Variants in THSD7B observed in about 807,000 individuals in gnomAD.
The protein encoded by THSD7B is thrombospondin type-1 domain-containing protein 7B.
THSD7B carries 138 observed loss-of-function variants against 213.6 expected under a neutral mutation model. That is an observed-to-expected ratio of 0.65 (90% CI 0.56 to 0.74). The LOEUF (loss-of-function observed/expected upper bound fraction) is 0.74, where lower values mean the gene tolerates loss of function less well. THSD7B is among the 30% of genes least tolerant of loss of function. THSD7B has a pLI of 0.00. For missense variants in THSD7B, 1,931 were observed against 1,991.5 expected (o/e 0.97, Z 0.58); for synonymous variants, 742 against 687.0 (o/e 1.08, Z -1.25).
chr2:137,404,474 T>TACACAC lies in THSD7B; in HGVS notation c.2501-1111_2501-1106dup, dbSNP rs1207612144. ...ATATATATATATATATATATATATA[T>TACACAC]ACACACACACACACACACACACACA... On this transcript the variant is annotated intron_variant, in intron 12 of 27. Transcript: ENST00000409968. Among the ~76,000 whole-genome samples, 218 of 40,236 alleles carry TACACAC rather than the reference T, an allele frequency of 5.4e-3. 5 individuals are homozygous for TACACAC. The highest frequency in any genetic ancestry group is 0.021 in the Middle Eastern group (1 of 48). 26.4% of individuals were successfully genotyped at this position (40,236 alleles called of 152,430 possible).
chr2:136,851,067 C>T (rs1221612567), intron 1 of THSD7B, among the ~76,000 whole-genome samples: 1 of 152,024 alleles, frequency 6.6e-6, no homozygotes, highest in Non-Finnish European at 1.5e-5. Flanking sequence ...ACTTTTCTTT[C>T]TGAAAATTTT....
At chr2:137,665,918 T>C (rs1018179595) in intron 26 of THSD7B, among the ~76,000 whole-genome samples, 4 of 152,148 alleles carry the variant, frequency 2.6e-5, no homozygotes, top group Non-Finnish European at 5.9e-5. Flanking sequence ...GCACCATTTG[T>C]GTCTTTTTAA....
chr2:136,877,661 T>C (rs1223754291), intron 1 of THSD7B, among the ~76,000 whole-genome samples: 1 of 152,202 alleles, frequency 6.6e-6, no homozygotes, highest in East Asian at 1.9e-4. Flanking sequence ...TTTGCTACCG[T>C]ACCCTTGGAG....
chr2:137,399,217 A>AC lies in THSD7B; in HGVS notation c.2501-6396_2501-6395insC, dbSNP rs1167505434. Among the ~76,000 whole-genome samples, 3 of 3,914 alleles carry AC rather than the reference A, an allele frequency of 7.7e-4. 1 individual carries two copies. 2.6% of individuals were successfully genotyped at this position (3,914 alleles called of 152,430 possible). A position where few individuals can be genotyped will look rare whatever the true frequency, so the allele number is the denominator to read the frequency against. On this transcript the variant is annotated intron_variant, in intron 12 of 27. Transcript: ENST00000409968. ...CCCCTTTTTTTTTTTTTTTAAACAC[A>AC]AGTCTTGCTCTGTTTCCCAGGTTGT...
At chr2:137,456,631 G>A (rs927097009) in intron 15 of THSD7B, among the ~76,000 whole-genome samples, 1 of 152,160 alleles carries the variant, frequency 6.6e-6, no homozygotes, top group East Asian at 1.9e-4. Context: ...TATCCATATG[G>A]AAGGCAGCCC....
intron 10 of THSD7B, among the ~76,000 whole-genome samples, chr2:137,249,043 C>T (rs1298422170): frequency 6.6e-6 from 1 of 152,024 alleles, no homozygotes; most frequent in Non-Finnish European, 1.5e-5. Context: ...GCTACATGGT[C>T]CCAGTGCTCA....
chr2:137,257,842 CA>C (rs1291614195), intron 10 of THSD7B, among the ~76,000 whole-genome samples: 1 of 152,142 alleles, frequency 6.6e-6, no homozygotes, highest in Non-Finnish European at 1.5e-5. Context: ...TTACAGGCAA[CA>C]AAGCGGAATG....
chr2:137,133,079 G>A (rs1039165062), intron 5 of THSD7B, among the ~76,000 whole-genome samples: 1 of 152,098 alleles, frequency 6.6e-6, no homozygotes, highest in Non-Finnish European at 1.5e-5. Context: ...TCCTTTCTGT[G>A]TGGTTACTGT....
intron 15 of THSD7B, among the ~76,000 whole-genome samples, chr2:137,506,097 C>T (rs988592223): frequency 2.6e-5 from 4 of 152,002 alleles, no homozygotes; most frequent in African/African-American, 7.3e-5. Context: ...AGGAGGAGGG[C>T]GGCTGAGTGG....
chr2:137,517,154 G>T (rs934799968), intron 15 of THSD7B, among the ~76,000 whole-genome samples: 1 of 152,222 alleles, frequency 6.6e-6, no homozygotes, highest in African/African-American at 2.4e-5. Flanking sequence ...GAAGCAATTT[G>T]CATTCTGCTG....
intron 7 of THSD7B, among the ~76,000 whole-genome samples, chr2:137,191,618 A>C (rs1680660704): frequency 1.3e-5 from 2 of 151,952 alleles, no homozygotes; most frequent in Non-Finnish European, 2.9e-5. Flanking sequence ...ATCAACCTGG[A>C]GCATACCCTA....
At chr2:137,177,845 C>A (rs949373434) in intron 7 of THSD7B, among the ~76,000 whole-genome samples, 7 of 151,826 alleles carry the variant, frequency 4.6e-5, no homozygotes, top group Non-Finnish European at 7.4e-5. Flanking sequence ...TCAAGGTGGG[C>A]GGATCACTTG....
At chr2:137,025,870 G>T (rs974304367) in intron 2 of THSD7B, among the ~76,000 whole-genome samples, 1 of 152,076 alleles carries the variant, frequency 6.6e-6, no homozygotes, top group African/African-American at 2.4e-5. Context: ...GAGAAAAATA[G>T]ATTTAGTTAG....
chr2:137,474,311 T>G (rs1688153276), intron 15 of THSD7B, among the ~76,000 whole-genome samples: 1 of 152,214 alleles, frequency 6.6e-6, no homozygotes, highest in Non-Finnish European at 1.5e-5. Context: ...TATTCACATT[T>G]AAGTCATTAG....
At chr2:136,806,915 G>T (rs1038370975) in intron 1 of THSD7B, among the ~76,000 whole-genome samples, 1 of 152,198 alleles carries the variant, frequency 6.6e-6, no homozygotes, top group South Asian at 2.1e-4. Flanking sequence ...CATAGTCAGG[G>T]ATTTTGTAGA....
At chr2:137,555,127 G>A (rs1558837354) in intron 15 of THSD7B, among the ~76,000 whole-genome samples, 1 of 152,216 alleles carries the variant, frequency 6.6e-6, no homozygotes, top group East Asian at 1.9e-4. Context: ...GCAGGGCATA[G>A]CCCAACAAAA....
chr2:136,774,864 AT>A (rs773464353), intron 1 of THSD7B, among the ~76,000 whole-genome samples: 5 of 152,044 alleles, frequency 3.3e-5, no homozygotes, highest in Non-Finnish European at 7.4e-5. Context: ...TTTTATTTTT[AT>A]TTTTTTATAG....
chr2:136,923,190 T>TA (rs1477056536), intron 2 of THSD7B, among the ~76,000 whole-genome samples: 1 of 152,224 alleles, frequency 6.6e-6, no homozygotes, highest in African/African-American at 2.4e-5. Context: ...AGCTACTTCA[T>TA]ATGAGTGGAA....
At chr2:136,818,038 C>T (rs1435978231) in intron 1 of THSD7B, among the ~76,000 whole-genome samples, 2 of 146,166 alleles carry the variant, frequency 1.4e-5, no homozygotes, top group East Asian at 2.0e-4. Flanking sequence ...CCAGCCATCC[C>T]ATTACTGGGT....
Sources: allele counts gnomAD v4.1 joint callset (sites outside exome capture counted in the v4.1 genomes callset), GRCh38; gene constraint gnomAD v4.1.1; transcripts MANE v1.5; gene names NCBI Gene and HGNC (gene_info 2026-07-23, HGNC 2026-07-21).